ENPP3: variants seen among roughly 807,000 people sequenced by gnomAD.
The protein encoded by ENPP3 is ectonucleotide pyrophosphatase/phosphodiesterase 3.
ENPP3 carries 104 observed loss-of-function variants against 117.8 expected under a neutral mutation model. That is an observed-to-expected ratio of 0.88 (90% CI 0.75 to 1.04). ENPP3 has a LOEUF of 1.04. ENPP3 is among the 50% of genes least tolerant of loss of function. The pLI is 0.00. For synonymous variants in ENPP3, 380 were observed against 349.9 expected (o/e 1.09, Z -0.96); for missense variants, 1,026 against 1,051.9 (o/e 0.98, Z 0.34).
intron 11 of ENPP3, among the ~76,000 whole-genome samples, chr6:131,678,797 C>T (rs1207985657): frequency 6.6e-6 from 1 of 152,152 alleles, no homozygotes; most frequent in Non-Finnish European, 1.5e-5. Flanking sequence ...CTGTTGTATT[C>T]CTGCACAGCG....
chr6:131,671,560 G>A (rs528804610), intron 7 of ENPP3, among the ~76,000 whole-genome samples: 3 of 152,128 alleles, frequency 2.0e-5, no homozygotes, highest in South Asian at 2.1e-4. Context: ...CACCTGTGTC[G>A]AGCCAAAAAC....
At chr6:131,730,060 A>G (rs983226714) in intron 20 of ENPP3, among the ~76,000 whole-genome samples, 1 of 152,248 alleles carries the variant, frequency 6.6e-6, no homozygotes, top group Non-Finnish European at 1.5e-5. Context: ...ACTGTTAAAT[A>G]TAAGCATCTC....
chr6:131,649,023 A>G (rs906025350), intron 2 of ENPP3, among the ~76,000 whole-genome samples: 1 of 152,174 alleles, frequency 6.6e-6, no homozygotes, highest in Non-Finnish European at 1.5e-5. Flanking sequence ...TTTGCCTTAC[A>G]TTTTGGAAGT....
In ENPP3 at chr6:131,652,583, A is replaced by G. The variant is rs201354363; in HGVS notation, c.319A>G (p.Arg107Gly). ...CAATAAATTTCGTTGTGGAGAGACC[A>G]GATTAGAGGCCAGCCTTTGCTCTTG... ...MCNKFRCGET[R>G]LEASLCSCSD... The change falls in exon 4 of 25, where the codon AGA becomes GGA. Residue 107 changes from arginine (R) to glycine (G), a missense_variant. Coordinates refer to ENST00000357639, the MANE Select transcript of ENPP3 (RefSeq NM_005021.5). The G allele has an allele frequency of 6.2e-7, 1 of 1,614,042 alleles. No homozygotes were observed. Among genetic ancestry groups the G allele is most frequent in the African/African-American group, 1.3e-5 (1 of 75,040 alleles).
At chr6:131,730,322 A>T (rs1300605972) in intron 20 of ENPP3, among the ~76,000 whole-genome samples, 1 of 152,202 alleles carries the variant, frequency 6.6e-6, no homozygotes, top group Non-Finnish European at 1.5e-5. Flanking sequence ...TCAGAACTGT[A>T]TACTATGATA....
intron 11 of ENPP3, among the ~76,000 whole-genome samples, chr6:131,679,827 TAAG>T (rs1194127498): frequency 6.6e-6 from 1 of 152,130 alleles, no homozygotes; most frequent in Non-Finnish European, 1.5e-5. Flanking sequence ...GTGATCATGG[TAAG>T]AATAATAGTA....
At chr6:131,652,462 A>G (rs964681856) in intron 3 of ENPP3, 80 bp from the exon 4 acceptor site, 1 of 1,347,788 alleles carries the variant, frequency 7.4e-7, no homozygotes, top group Non-Finnish European at 1.0e-6. Context: ...TGTTATTATA[A>G]TATAGGAATA....
intron 15 of ENPP3, among the ~76,000 whole-genome samples, chr6:131,701,915 C>T (rs1381254465): frequency 1.4e-5 from 2 of 143,086 alleles, no homozygotes; most frequent in Non-Finnish European, 1.5e-5. Flanking sequence ...AAAAAAAAAA[C>T]GCGTGCACAC....
intron 1 of ENPP3, among the ~76,000 whole-genome samples, chr6:131,639,116 A>G (rs923341791): frequency 2.0e-5 from 3 of 152,220 alleles, no homozygotes; most frequent in African/African-American, 7.2e-5. Flanking sequence ...TTCAAGAAGT[A>G]AATAAAATAA....
At chr6:131,668,953 T>C (rs1261355140) in intron 6 of ENPP3, among the ~76,000 whole-genome samples, 1 of 152,248 alleles carries the variant, frequency 6.6e-6, no homozygotes. Context: ...AGCTTGGGTC[T>C]ATAGTCAGCA....
At chr6:131,650,194 C>T (rs746882833) in intron 3 of ENPP3, 45 bp downstream of exon 3, 2 of 1,600,600 alleles carry the variant, frequency 1.2e-6, no homozygotes, top group Non-Finnish European at 8.5e-7. Flanking sequence ...GCTTGTGTTA[C>T]TATTAATACA....
At chr6:131,638,849 G>A (rs1777981210) in intron 1 of ENPP3, among the ~76,000 whole-genome samples, 1 of 151,290 alleles carries the variant, frequency 6.6e-6, no homozygotes, top group Admixed American at 6.6e-5. Flanking sequence ...TATTTTTAGA[G>A]ACTGGGTCTC....
At chr6:131,710,155 G>A (rs773479545) in intron 15 of ENPP3, 171 of 1,613,448 alleles carry the variant, frequency 1.1e-4, no homozygotes, top group Middle Eastern at 1.6e-4. Context: ...ATCATCATCC[G>A]TTGTGTCTTC....
intron 11 of ENPP3, among the ~76,000 whole-genome samples, 153 bp downstream of exon 11, chr6:131,678,093 G>A (rs1315279408): frequency 6.6e-6 from 1 of 152,196 alleles, no homozygotes; most frequent in Non-Finnish European, 1.5e-5. Flanking sequence ...TAAAAGGGAT[G>A]CCATGGTTCA....
chr6:131,739,990 A>G (rs1585740874), intron 23 of ENPP3, among the ~76,000 whole-genome samples: 3 of 152,010 alleles, frequency 2.0e-5, no homozygotes, highest in East Asian at 1.9e-4. Flanking sequence ...TTTCATATAT[A>G]TATTTACATA....
At chr6:131,640,399 G>T (rs1246482089) in intron 1 of ENPP3, among the ~76,000 whole-genome samples, 1 of 152,122 alleles carries the variant, frequency 6.6e-6, no homozygotes, top group Non-Finnish European at 1.5e-5. Flanking sequence ...TGTACTGAAA[G>T]GTCACTGACC....
chr6:131,656,501 C>T (rs1162522307), intron 5 of ENPP3, among the ~76,000 whole-genome samples: 1 of 152,164 alleles, frequency 6.6e-6, no homozygotes, highest in African/African-American at 2.4e-5. Context: ...GGCATGGTGG[C>T]TCACGCCTGT....
intron 20 of ENPP3, among the ~76,000 whole-genome samples, chr6:131,728,700 T>A (rs570368414): frequency 9.2e-5 from 14 of 152,212 alleles, no homozygotes; most frequent in Non-Finnish European, 2.1e-4. Context: ...ATGGACCCAA[T>A]TGGTCTTAGC....
chr6:131,657,045 G>T (rs1297941936), intron 5 of ENPP3, among the ~76,000 whole-genome samples: 1 of 152,038 alleles, frequency 6.6e-6, no homozygotes, highest in Admixed American at 6.6e-5. Flanking sequence ...TTTAATCAGA[G>T]TTATGTTAAT....
Sources: allele counts gnomAD v4.1 joint callset (sites outside exome capture counted in the v4.1 genomes callset), GRCh38; gene constraint gnomAD v4.1.1; transcripts MANE v1.5; gene names NCBI Gene and HGNC (gene_info 2026-07-23, HGNC 2026-07-21).